Variants in GSDMC observed in about 807,000 individuals in gnomAD.
GSDMC encodes the protein gasdermin-C.
A neutral mutation model predicts 58.0 loss-of-function variants in GSDMC; 59 were observed. That is an observed-to-expected ratio of 1.02 (90% CI 0.82 to 1.26). GSDMC has a LOEUF of 1.26. Ranked by LOEUF, GSDMC falls within the 50% of genes most tolerant of loss-of-function variation. The pLI is 0.00. For missense variants in GSDMC, 659 were observed against 598.5 expected (o/e 1.10, Z -1.06); for synonymous variants, 241 against 220.2 (o/e 1.09, Z -0.83).
At chr8:129,717,066 G>A in the GSDMC span, among the ~76,000 whole-genome samples, 3 of 152,212 alleles carry the variant, frequency 2.0e-5, no homozygotes, top group East Asian at 1.9e-4. Context: ...AGGGATATTG[G>A]CCTGAAATTT....
chr8:129,748,253 T>TA lies in GSDMC; in HGVS notation c.*247dup. ...TAAAATTTATACATAGTGAAACGCT[T>TA]ACGTCTTTAACATACTATTTGAGGA... is the stretch of plus-strand genomic sequence containing the variant. On this transcript the variant is annotated 3_prime_UTR_variant, in exon 14 of 14. Transcript: ENST00000276708. The TA allele has an allele frequency of 3.0e-6, 1 of 330,796 alleles. No individual in the cohort carries two copies. The highest frequency in any genetic ancestry group is 2.1e-5 in the African/African-American group (1 of 47,296). 20.5% of individuals were successfully genotyped at this position (330,796 alleles called of 1,614,324 possible). A position where few individuals can be genotyped will look rare whatever the true frequency, so the allele number is the denominator to read the frequency against.
intron 3 of GSDMC, among the ~76,000 whole-genome samples, chr8:129,766,745 G>A (rs926188280): frequency 1.4e-4 from 21 of 151,940 alleles, no homozygotes; most frequent in African/African-American, 3.6e-4. Flanking sequence ...TCCCCCAGGC[G>A]CCACCGCAAC....
At chr8:129,725,984 T>C in the GSDMC span, among the ~76,000 whole-genome samples, 1 of 152,196 alleles carries the variant, frequency 6.6e-6, no homozygotes, top group East Asian at 1.9e-4. Context: ...ATTCCAATGT[T>C]TTGAAAGACT....
chr8:129,757,183 G>A (rs1418820756), intron 6 of GSDMC, among the ~76,000 whole-genome samples: 3 of 151,198 alleles, frequency 2.0e-5, no homozygotes, highest in African/African-American at 7.3e-5. Context: ...AAAAAATGGA[G>A]AGGACGCAAA....
Position 129,762,640 on chromosome 8 carries a change from A to AG in GSDMC, c.661_662insC (p.Val221AlafsTer12). 6.2e-7 allele frequency: 1 copy of AG among 1,611,010 alleles called. No individual in the cohort carries two copies. Among genetic ancestry groups the AG allele is most frequent in the South Asian group, 1.1e-5 (1 of 91,030 alleles). On this transcript the variant is annotated frameshift_variant, in exon 5 of 14. Coordinates refer to ENST00000276708, the MANE Select transcript of GSDMC (RefSeq NM_031415.3). LOFTEE classifies it high-confidence loss of function. ...GCTGCTCCCACCTTTCTCCTTGATA[A>AG]CCAGCTGCTTTCTCTTATAAGCCAT...
the GSDMC span, among the ~76,000 whole-genome samples, chr8:129,724,736 G>A: frequency 6.6e-6 from 1 of 151,936 alleles, no homozygotes; most frequent in African/African-American, 2.4e-5. Flanking sequence ...ATCCAAAAAG[G>A]AACTATTGGA....
intron 6 of GSDMC, among the ~76,000 whole-genome samples, chr8:129,758,992 C>T (rs186578288): frequency 2.6e-5 from 4 of 152,132 alleles, no homozygotes; most frequent in African/African-American, 9.7e-5. Context: ...ACCAAAACAA[C>T]ATGATACTGC....
the GSDMC span, among the ~76,000 whole-genome samples, chr8:129,736,633 G>A: frequency 1.3e-5 from 2 of 152,042 alleles, no homozygotes; most frequent in Admixed American, 1.3e-4. Context: ...TTGATGGGAC[G>A]TTATCTCAAA....
the GSDMC span, among the ~76,000 whole-genome samples, chr8:129,712,691 T>C: frequency 0.014 from 2,088 of 152,242 alleles, 56 homozygotes; most frequent in African/African-American, 0.046. Flanking sequence ...AAGGGAGAGA[T>C]AGGTGGCTGG....
the GSDMC span, among the ~76,000 whole-genome samples, chr8:129,712,971 T>C: frequency 6.6e-6 from 1 of 152,200 alleles, no homozygotes; most frequent in Non-Finnish European, 1.5e-5. Flanking sequence ...GATGAGCAAC[T>C]GTCAGGGATG....
At chr8:129,730,704 A>G in the GSDMC span, among the ~76,000 whole-genome samples, 271 of 152,342 alleles carry the variant, frequency 1.8e-3, no homozygotes, top group Non-Finnish European at 3.2e-3. Flanking sequence ...TACATATAAC[A>G]TTAGCAACAC....
At chr8:129,761,040 T>C (rs775686574) in intron 5 of GSDMC, among the ~76,000 whole-genome samples, 1 of 152,110 alleles carries the variant, frequency 6.6e-6, no homozygotes, top group Non-Finnish European at 1.5e-5. Flanking sequence ...GTATAAGGGT[T>C]GAAAAGTGTG....
Position 129,749,992 on chromosome 8 carries a change from A to C in GSDMC, c.1211T>G (p.Met404Arg), listed in dbSNP as rs773291879. ...DPILYLLEAI[M>R]VLSDFQHDLL... ...TTCTTCCCTTTAATTACTCTTACCC[A>C]TTATGGCTTCAAGGAGATAAAGAAT... Residue 404 changes from methionine to arginine, a missense_variant and splice_region_variant, in exon 12 of 14, where the codon ATG (methionine) becomes AGG (arginine). Physicochemically the swap from Met to Arg is moderately conservative, Grantham distance 91 (BLOSUM62 -1). Transcript: ENST00000276708. 2 of 1,592,790 alleles carry C rather than the reference A, an allele frequency of 1.3e-6. No homozygotes were observed. The highest frequency in any genetic ancestry group is 1.4e-5 in the African/African-American group (1 of 73,456).
chr8:129,744,290 T>C (rs1406904196), downstream of GSDMC, among the ~76,000 whole-genome samples: 1 of 152,208 alleles, frequency 6.6e-6, no homozygotes, highest in East Asian at 1.9e-4. Flanking sequence ...GGTGAGGTTT[T>C]TATTTATTTG....
intron 3 of GSDMC, among the ~76,000 whole-genome samples, chr8:129,770,939 G>T (rs371945630): frequency 1.8e-4 from 27 of 151,430 alleles, no homozygotes; most frequent in Non-Finnish European, 3.5e-4. Context: ...GATGGAAAAA[G>T]AAATTCTAAT....
intron 6 of GSDMC, among the ~76,000 whole-genome samples, chr8:129,753,892 C>T (rs2033325985): frequency 6.6e-6 from 1 of 152,122 alleles, no homozygotes; most frequent in Non-Finnish European, 1.5e-5. Context: ...GTAATGGTGG[C>T]CACAGAGAGA....
chr8:129,719,753 TGGCC>T, the GSDMC span, among the ~76,000 whole-genome samples: 1 of 152,172 alleles, frequency 6.6e-6, no homozygotes, highest in Non-Finnish European at 1.5e-5. Context: ...GAGACAAGCC[TGGCC>T]AACATGGTGA....
At chr8:129,731,603 T>C in the GSDMC span, among the ~76,000 whole-genome samples, 2 of 152,214 alleles carry the variant, frequency 1.3e-5, no homozygotes, top group Admixed American at 1.3e-4. Context: ...AGGTATCTGT[T>C]GGAGGATTCT....
chr8:129,722,797 G>T, the GSDMC span, among the ~76,000 whole-genome samples: 1 of 152,084 alleles, frequency 6.6e-6, no homozygotes, highest in Non-Finnish European at 1.5e-5. Flanking sequence ...GCATACAGAT[G>T]GATTTAACTT....
Sources: gnomAD v4.1 joint callset for allele counts (sites outside exome capture counted in the v4.1 genomes callset) on GRCh38, gnomAD v4.1.1 for gene constraint, MANE v1.5 for transcripts, NCBI Gene and HGNC (gene_info 2026-07-23, HGNC 2026-07-21) for gene names.